Variants in MAST2 observed in about 807,000 individuals in gnomAD.
The protein encoded by MAST2 is microtubule-associated serine/threonine-protein kinase 2.
In MAST2, 70 loss-of-function variants were observed where a neutral mutation model predicts 147.4. The ratio of observed to expected loss-of-function variants is 0.47; its 90% CI spans 0.39 to 0.58. The LOEUF (loss-of-function observed/expected upper bound fraction) is 0.58, where lower values mean the gene tolerates loss of function less well. Among genes scored for constraint, MAST2 ranks in the 20% least tolerant of loss-of-function variants. MAST2 has a pLI of 0.00. For synonymous variants in MAST2, 869 were observed against 896.8 expected, an observed-to-expected ratio of 0.97 and a Z score of 0.55; for missense variants, 2,080 against 2,302.3, an observed-to-expected ratio of 0.90 and a Z score of 1.98.
intron 8 of MAST2, among the ~76,000 whole-genome samples, chr1:46,007,557 T>C (rs180761996): frequency 2.6e-3 from 394 of 152,278 alleles, no homozygotes; most frequent in Middle Eastern, 6.8e-3. Flanking sequence ...CATGGCACAT[T>C]CCAGGGAAGA....
At chr1:45,816,202 G>C (rs889476172) in intron 1 of MAST2, among the ~76,000 whole-genome samples, 1 of 57,988 alleles carries the variant, frequency 1.7e-5, no homozygotes, top group African/African-American at 5.9e-5. Flanking sequence ...ATTGGGGGTG[G>C]GGGGGAGAGA....
intron 4 of MAST2, among the ~76,000 whole-genome samples, chr1:45,911,970 C>T (rs140188853): frequency 2.0e-5 from 3 of 151,342 alleles, no homozygotes; most frequent in Non-Finnish European, 4.4e-5. Context: ...GCCATAACTG[C>T]AAGCCTTAGC....
chr1:45,882,498 AT>A, intron 4 of MAST2, 103 bp downstream of exon 4: 1 of 903,990 alleles, frequency 1.1e-6, no homozygotes, highest in East Asian at 2.8e-5. Flanking sequence ...TCAGTACACA[AT>A]TTCTTTCTGT....
chr1:45,839,675 G>A (rs10890354), intron 3 of MAST2, among the ~76,000 whole-genome samples: 67,729 of 152,118 alleles, frequency 0.45, 15,291 homozygotes, highest in East Asian at 0.62. Flanking sequence ...AAAATATCAA[G>A]CTGATTTCAA....
intron 4 of MAST2, among the ~76,000 whole-genome samples, chr1:45,946,667 C>G (rs549619054): frequency 6.6e-6 from 1 of 152,212 alleles, no homozygotes; most frequent in East Asian, 1.9e-4. Context: ...GTGGTCTTTT[C>G]TGCTATAAGA....
intron 4 of MAST2, among the ~76,000 whole-genome samples, chr1:45,910,675 G>C (rs1231700429): frequency 6.6e-6 from 1 of 152,206 alleles, no homozygotes; most frequent in Non-Finnish European, 1.5e-5. Flanking sequence ...GTTTGACTCT[G>C]TTAGGAGACA....
chr1:45,948,304 C>T (rs762749740), intron 4 of MAST2, among the ~76,000 whole-genome samples: 54 of 152,246 alleles, frequency 3.5e-4, no homozygotes, highest in Non-Finnish European at 6.9e-4. Flanking sequence ...TAGGAAGAAT[C>T]AATATCATTA....
intron 4 of MAST2, among the ~76,000 whole-genome samples, chr1:45,900,195 A>AAAAAAAAAATATT (rs1553226994): frequency 2.1e-5 from 2 of 93,234 alleles, no homozygotes; most frequent in Non-Finnish European, 2.2e-5. Context: ...AAAAAAAAAA[A>AAAAAAAAAATATT]GATTTACCCT....
At position 46,027,813 on chromosome 1, in the gene MAST2, T is replaced by C; in HGVS notation, c.2002T>C (p.Leu668=). The change falls in exon 17 of 29, where the codon TTG becomes CTG. Residue 668 remains leucine, a synonymous_variant. Coordinates refer to ENST00000361297, the MANE Select transcript of MAST2 (RefSeq NM_015112.3). ...KIGLMSLTTN[L]YEGHIEKDAR... ...TGGCCTCATGAGTCTGACAACGAACTTGTATGAGGGTCATATTGAAAAGGA... is the reference window on the plus strand; with the variant it reads ...TGGCCTCATGAGTCTGACAACGAACCTGTATGAGGGTCATATTGAAAAGGA... 5 of 1,614,150 alleles carry C rather than the reference T, an allele frequency of 3.1e-6. No individual in the cohort carries two copies. Among genetic ancestry groups the C allele is most frequent in the Non-Finnish European group, 4.2e-6 (5 of 1,180,004 alleles).
chr1:45,925,873 C>A (rs1654283492), intron 4 of MAST2, among the ~76,000 whole-genome samples: 1 of 152,196 alleles, frequency 6.6e-6, no homozygotes, highest in Non-Finnish European at 1.5e-5. Flanking sequence ...CAATTTAGTT[C>A]TCTGGCACCT....
intron 5 of MAST2, among the ~76,000 whole-genome samples, chr1:45,992,924 C>T (rs1237949265): frequency 2.0e-5 from 3 of 151,934 alleles, no homozygotes; most frequent in African/African-American, 7.3e-5. Flanking sequence ...GGCTTATAGG[C>T]TATAACCCTT....
intron 3 of MAST2, among the ~76,000 whole-genome samples, chr1:45,842,402 C>T (rs1300014574): frequency 6.6e-6 from 1 of 152,098 alleles, no homozygotes; most frequent in Non-Finnish European, 1.5e-5. Context: ...ATACAACTGC[C>T]ACCTCTATCT....
chr1:45,970,124 C>T (rs750022078), intron 5 of MAST2, among the ~76,000 whole-genome samples: 24 of 152,292 alleles, frequency 1.6e-4, no homozygotes, highest in Non-Finnish European at 2.8e-4. Context: ...AATGCTCCGG[C>T]GCGTATCAAA....
At chr1:45,954,288 G>A (rs149302354) in intron 4 of MAST2, among the ~76,000 whole-genome samples, 1 of 152,226 alleles carries the variant, frequency 6.6e-6, no homozygotes, top group African/African-American at 2.4e-5. Context: ...CAGATTTTCC[G>A]AGTGCCTGCT....
intron 5 of MAST2, among the ~76,000 whole-genome samples, chr1:45,975,056 A>G (rs1280733988): frequency 6.6e-6 from 1 of 152,182 alleles, no homozygotes; most frequent in Non-Finnish European, 1.5e-5. Flanking sequence ...ATGAGCCAGC[A>G]GGATGTCTAC....
chr1:45,904,818 T>G (rs1292307812), intron 4 of MAST2, among the ~76,000 whole-genome samples: 3 of 151,976 alleles, frequency 2.0e-5, no homozygotes, highest in African/African-American at 4.8e-5. Flanking sequence ...GCAATGCCAC[T>G]TTTTTTGAGA....
chr1:45,894,042 C>T (rs1648305062), intron 4 of MAST2, among the ~76,000 whole-genome samples: 2 of 152,002 alleles, frequency 1.3e-5, no homozygotes, highest in East Asian at 1.9e-4. Flanking sequence ...TGTTGAAACC[C>T]TATTTCTACA....
intron 4 of MAST2, among the ~76,000 whole-genome samples, chr1:45,939,547 G>GT (rs1656851511): frequency 6.6e-6 from 1 of 151,192 alleles, no homozygotes; most frequent in South Asian, 2.1e-4. Flanking sequence ...TTTTTTGGGG[G>GT]GGTGGGGTCG....
chr1:45,865,544 A>G (rs79710135), intron 3 of MAST2, among the ~76,000 whole-genome samples: 41 of 152,238 alleles, frequency 2.7e-4, no homozygotes, highest in Admixed American at 5.9e-4. Context: ...CATAGTTTTA[A>G]GAACTTTTCT....
Sources: gnomAD v4.1 joint callset for allele counts (sites outside exome capture counted in the v4.1 genomes callset) on GRCh38, gnomAD v4.1.1 for gene constraint, MANE v1.5 for transcripts, NCBI Gene and HGNC (gene_info 2026-07-23, HGNC 2026-07-21) for gene names.